The following GXYLT2 variants were observed in gnomAD, a reference collection of about 807,000 sequenced individuals.
GXYLT2 encodes glucoside xylosyltransferase 2.
Under a neutral mutation model 45.8 loss-of-function variants are expected in GXYLT2, and 53 were observed. The ratio of observed to expected loss-of-function variants is 1.16; its 90% CI spans 0.93 to 1.46. GXYLT2 has a LOEUF of 1.46. GXYLT2 is among the 40% of genes most tolerant of loss of function. The probability of loss-of-function intolerance (pLI) is 0.00; values close to 1 mark genes in which losing one functional copy is unlikely to be tolerated. For missense variants in GXYLT2, 551 were observed against 544.4 expected (o/e 1.01, Z -0.12); for synonymous variants, 219 against 214.2 (o/e 1.02, Z -0.19).
intron 5 of GXYLT2, among the ~76,000 whole-genome samples, chr3:72,962,573 T>C (rs551195666): frequency 1.3e-5 from 2 of 152,280 alleles, no homozygotes; most frequent in African/African-American, 2.4e-5. Context: ...AAAGGAGGTA[T>C]AAGTTGCATT....
At chr3:72,929,582 T>G in intron 3 of GXYLT2, 1 of 1,086,250 alleles carries the variant, frequency 9.2e-7, no homozygotes, top group Non-Finnish European at 1.4e-6. Flanking sequence ...TGGGAGACAG[T>G]GATAACGAAA....
intron 5 of GXYLT2, among the ~76,000 whole-genome samples, chr3:72,962,381 A>G (rs4585135): frequency 0.1 from 15,337 of 152,174 alleles, 1,238 homozygotes; most frequent in East Asian, 0.41. Context: ...TCAGTGCTTT[A>G]AATGGAGTTG....
chr3:72,930,161 C>T (rs1470585111), intron 3 of GXYLT2, among the ~76,000 whole-genome samples: 3 of 119,496 alleles, frequency 2.5e-5, no homozygotes, highest in African/African-American at 8.2e-5. Flanking sequence ...GGCGAAACTC[C>T]ATCTCAAAAA....
intron 3 of GXYLT2, among the ~76,000 whole-genome samples, chr3:72,950,384 C>T (rs1710498910): frequency 6.6e-6 from 1 of 152,092 alleles, no homozygotes; most frequent in Admixed American, 6.6e-5. Flanking sequence ...TCGCTTGAAC[C>T]CAGGAGGCAG....
intron 5 of GXYLT2, among the ~76,000 whole-genome samples, chr3:72,963,117 G>C (rs1295212192): frequency 6.6e-6 from 1 of 152,020 alleles, no homozygotes. Context: ...TCCAAGACCA[G>C]CCTGGGCAAC....
At chr3:72,954,399 C>CTGTGTGTGTG (rs3078688) in intron 3 of GXYLT2, among the ~76,000 whole-genome samples, 9,264 of 133,802 alleles carry the variant, frequency 0.069, 555 homozygotes, top group East Asian at 0.22. Context: ...TGCTCCCAGC[C>CTGTGTGTGTG]TGTGTGTGTG....
At chr3:72,931,138 G>T (rs551345702) in intron 3 of GXYLT2, among the ~76,000 whole-genome samples, 1 of 152,282 alleles carries the variant, frequency 6.6e-6, no homozygotes, top group African/African-American at 2.4e-5. Flanking sequence ...GACCACAGTG[G>T]AATGGAATTA....
chr3:72,888,178 G>A lies in GXYLT2; in HGVS notation c.-56G>A, dbSNP rs1246431885. The stretch of plus-strand genomic sequence containing the variant: ...CTGCTGCACTCATCCTGCCGCCGCC[G>A]CGATGCGCAGAGGGGCCGAGCCGCC... On this transcript the variant is annotated 5_prime_UTR_variant, in exon 1 of 7. Coordinates refer to ENST00000389617, the MANE Select transcript of GXYLT2 (RefSeq NM_001080393.2). 3 of 980,166 alleles carry A rather than the reference G, an allele frequency of 3.1e-6. No individual in the cohort carries two copies. The highest frequency in any genetic ancestry group is 3.6e-6 in the Non-Finnish European group (3 of 827,454). 60.7% of individuals were successfully genotyped at this position (980,166 alleles called of 1,614,324 possible). A position where few individuals can be genotyped will look rare whatever the true frequency, so the allele number is the denominator to read the frequency against.
intron 3 of GXYLT2, among the ~76,000 whole-genome samples, chr3:72,939,605 A>G (rs1710261039): frequency 6.6e-6 from 1 of 152,164 alleles, no homozygotes; most frequent in Non-Finnish European, 1.5e-5. Context: ...CACACATAAA[A>G]TTAAAGGGAA....
At chr3:72,896,305 T>C (rs1559724452) in intron 1 of GXYLT2, among the ~76,000 whole-genome samples, 2 of 152,376 alleles carry the variant, frequency 1.3e-5, no homozygotes, top group East Asian at 1.9e-4. Flanking sequence ...CTGGGCCTGG[T>C]GGCTCATGCC....
chr3:72,901,766 G>T (rs1402184249), intron 1 of GXYLT2, among the ~76,000 whole-genome samples: 2 of 151,566 alleles, frequency 1.3e-5, no homozygotes, highest in African/African-American at 2.4e-5. Context: ...TCTCCATGTT[G>T]GTCAGGCTGG....
chr3:72,912,366 T>G (rs983774488), intron 2 of GXYLT2, among the ~76,000 whole-genome samples: 4 of 151,950 alleles, frequency 2.6e-5, no homozygotes, highest in African/African-American at 9.7e-5. Context: ...CCCAGGCTGG[T>G]TTTGAACTCT....
In GXYLT2 at chr3:72,975,954, C is replaced by T. The variant is rs569279490; in HGVS notation, c.*795C>T. The T allele has an allele frequency of 3.3e-5, 4 of 121,094 alleles. No individual in the cohort carries two copies. The highest frequency in any genetic ancestry group is 2.0e-4 in the Admixed American group (2 of 10,222). The allele number at this position is 121,094 out of a possible 1,614,324, so 7.5% of individuals were successfully genotyped here. On this transcript the variant is annotated 3_prime_UTR_variant, in exon 7 of 7. Coordinates refer to ENST00000389617, the MANE Select transcript of GXYLT2 (RefSeq NM_001080393.2). Reference sequence around the variant, plus strand: ...TTTTTTTTTTTTTTTTTTTTTGAGACGGAATCTCACTCTGTAGCCCAGGCT... The same window carrying T: ...TTTTTTTTTTTTTTTTTTTTTGAGATGGAATCTCACTCTGTAGCCCAGGCT...
At chr3:72,933,350 A>G (rs1256738363) in intron 3 of GXYLT2, among the ~76,000 whole-genome samples, 1 of 152,202 alleles carries the variant, frequency 6.6e-6, no homozygotes, top group African/African-American at 2.4e-5. Context: ...GCATCATAGT[A>G]TTAGATGCTA....
At chr3:72,913,085 G>A (rs570167801) in intron 2 of GXYLT2, among the ~76,000 whole-genome samples, 44 of 148,186 alleles carry the variant, frequency 3.0e-4, no homozygotes, top group Non-Finnish European at 5.2e-4. Context: ...TGGCCCAGGT[G>A]GGAGTGCAGT....
At chr3:72,901,061 G>A (rs1709392426) in intron 1 of GXYLT2, among the ~76,000 whole-genome samples, 1 of 151,922 alleles carries the variant, frequency 6.6e-6, no homozygotes. Context: ...GGCTGAGGTG[G>A]GCAGATCACC....
chr3:72,898,417 A>G (rs1709335992), intron 1 of GXYLT2, among the ~76,000 whole-genome samples: 1 of 152,298 alleles, frequency 6.6e-6, no homozygotes, highest in South Asian at 2.1e-4. Context: ...TCTCAATAAC[A>G]TGTTAATTTG....
chr3:72,954,110 A>G (rs1219647132), intron 3 of GXYLT2, among the ~76,000 whole-genome samples: 1 of 151,882 alleles, frequency 6.6e-6, no homozygotes, highest in African/African-American at 2.4e-5. Context: ...ATATTTTTTT[A>G]ATTTTTTATT....
intron 6 of GXYLT2, 85 bp downstream of exon 6, chr3:72,967,804 C>G: frequency 9.3e-7 from 1 of 1,073,870 alleles, no homozygotes; most frequent in Non-Finnish European, 1.4e-6. Flanking sequence ...CCTTTGAAGG[C>G]CAAATATTCC....
Sources: gnomAD v4.1 joint callset for allele counts (sites outside exome capture counted in the v4.1 genomes callset) on GRCh38, gnomAD v4.1.1 for gene constraint, MANE v1.5 for transcripts, NCBI Gene and HGNC (gene_info 2026-07-23, HGNC 2026-07-21) for gene names.